KDM4C: variants seen among roughly 807,000 people sequenced by gnomAD.
The protein encoded by KDM4C is lysine-specific demethylase 4C.
In KDM4C, 81 loss-of-function variants were observed where a neutral mutation model predicts 129.3. That is an observed-to-expected ratio of 0.63 (90% CI 0.52 to 0.75). The LOEUF (loss-of-function observed/expected upper bound fraction) is 0.75. Among genes scored for constraint, KDM4C ranks in the 30% least tolerant of loss-of-function variants. The pLI, the probability that KDM4C is intolerant of heterozygous loss-of-function variation, is 0.00. For missense variants in KDM4C, 1,457 were observed against 1,304.0 expected, an observed-to-expected ratio of 1.12 and a Z score of -1.81; for synonymous variants, 573 against 456.1, an observed-to-expected ratio of 1.26 and a Z score of -3.26.
chr9:6,942,824 A>G (rs1826198494), intron 8 of KDM4C, among the ~76,000 whole-genome samples: 1 of 152,186 alleles, frequency 6.6e-6, no homozygotes, highest in East Asian at 1.9e-4. Context: ...GGGGGAGTAA[A>G]GGATAGTCTT....
At chr9:6,911,454 A>G (rs1321741781) in intron 8 of KDM4C, among the ~76,000 whole-genome samples, 1 of 152,230 alleles carries the variant, frequency 6.6e-6, no homozygotes, top group Non-Finnish European at 1.5e-5. Context: ...AAGCTAGTTA[A>G]TGATTTTGAT....
intron 17 of KDM4C, among the ~76,000 whole-genome samples, chr9:7,063,451 C>T (rs1831996271): frequency 6.6e-6 from 1 of 152,164 alleles, no homozygotes; most frequent in African/African-American, 2.4e-5. Context: ...TTTGGTCTGT[C>T]AGGATCAGAG....
chr9:7,105,110 C>A lies in KDM4C; in HGVS notation c.2610+1240C>A, dbSNP rs74337783. ...TTTGCTAAGAATAGTATTATGTATC[C>A]AGTAGAAAATACATTTTAGCAACTT... On this transcript the variant is annotated intron_variant, in intron 18 of 21. Transcript: ENST00000381309. Among the ~76,000 whole-genome samples, 35 of 152,262 alleles carry A rather than the reference C, an allele frequency of 2.3e-4. No homozygotes were observed. The East Asian group carries it at 6.8e-3, about 29-fold the overall frequency.
chr9:7,105,747 C>T (rs969290299), intron 18 of KDM4C, among the ~76,000 whole-genome samples: 5 of 152,124 alleles, frequency 3.3e-5, no homozygotes, highest in Admixed American at 3.3e-4. Context: ...TTACTGATGA[C>T]TATATTGAAG....
chr9:6,934,515 A>G (rs1010810881), intron 8 of KDM4C, among the ~76,000 whole-genome samples: 3 of 149,766 alleles, frequency 2.0e-5, no homozygotes, highest in Non-Finnish European at 4.5e-5. Context: ...TCTAAAATTA[A>G]ATACCAACTT....
At chr9:6,994,536 C>G (rs759683879) in intron 12 of KDM4C, among the ~76,000 whole-genome samples, 1 of 152,156 alleles carries the variant, frequency 6.6e-6, no homozygotes, top group South Asian at 2.1e-4. Context: ...CACTCTCATT[C>G]CTCTCTTTTG....
At chr9:7,144,113 T>G (rs34226860) in intron 19 of KDM4C, among the ~76,000 whole-genome samples, 1 of 151,640 alleles carries the variant, frequency 6.6e-6, no homozygotes, top group Non-Finnish European at 1.5e-5. Context: ...TTTTTTTTTG[T>G]TTTTGTTTTT....
intron 15 of KDM4C, among the ~76,000 whole-genome samples, chr9:7,028,410 C>G (rs760936724): frequency 6.6e-6 from 1 of 151,828 alleles, no homozygotes; most frequent in East Asian, 1.9e-4. Flanking sequence ...ATGGAGCCTT[C>G]ATGACTCTGC....
At chr9:7,167,863 T>C (rs972785806) in intron 20 of KDM4C, among the ~76,000 whole-genome samples, 17 of 152,186 alleles carry the variant, frequency 1.1e-4, no homozygotes, top group African/African-American at 4.1e-4. Flanking sequence ...TGCAGCGATA[T>C]ATCAGTTGGA....
At chr9:7,073,410 G>A (rs149924214) in intron 17 of KDM4C, among the ~76,000 whole-genome samples, 274 of 152,286 alleles carry the variant, frequency 1.8e-3, no homozygotes, top group African/African-American at 6.4e-3. Flanking sequence ...ATGTTATATA[G>A]ATAATAGTTG....
At chr9:6,899,465 A>G (rs1025841175) in intron 8 of KDM4C, among the ~76,000 whole-genome samples, 64 of 152,078 alleles carry the variant, frequency 4.2e-4, no homozygotes, top group African/African-American at 1.2e-3. Flanking sequence ...CAAATATACA[A>G]TGACAGGCAT....
intron 8 of KDM4C, among the ~76,000 whole-genome samples, chr9:6,922,228 C>G (rs188174933): frequency 1.3e-5 from 2 of 152,282 alleles, no homozygotes; most frequent in Admixed American, 1.3e-4. Context: ...TATCTAATTC[C>G]TATCTTAATT....
chr9:6,806,835 C>G (rs565963182), intron 3 of KDM4C, among the ~76,000 whole-genome samples: 17 of 152,218 alleles, frequency 1.1e-4, no homozygotes, highest in African/African-American at 4.1e-4. Flanking sequence ...TTTCCTTGCC[C>G]TGTTTCAGAA....
intron 15 of KDM4C, among the ~76,000 whole-genome samples, chr9:7,021,788 G>T (rs1477348770): frequency 2.0e-5 from 3 of 152,144 alleles, no homozygotes; most frequent in East Asian, 1.9e-4. Context: ...ATAGTTTCAG[G>T]TCTTAGATTT....
intron 19 of KDM4C, among the ~76,000 whole-genome samples, chr9:7,128,891 C>T (rs968714015): frequency 6.6e-6 from 1 of 152,240 alleles, no homozygotes; most frequent in East Asian, 1.9e-4. Context: ...AACTAGTGAA[C>T]GTGTGCCAGG....
chr9:7,147,487 T>A (rs576756029), intron 19 of KDM4C, among the ~76,000 whole-genome samples: 1 of 152,368 alleles, frequency 6.6e-6, no homozygotes, highest in Admixed American at 6.5e-5. Context: ...TTCTCCATTT[T>A]GCAACATAAA....
chr9:6,832,546 C>T (rs1460986633), intron 4 of KDM4C, among the ~76,000 whole-genome samples: 1 of 147,232 alleles, frequency 6.8e-6, no homozygotes, highest in Non-Finnish European at 1.5e-5. Flanking sequence ...CTGCCTCAGC[C>T]TCCCGAGTAG....
intron 8 of KDM4C, among the ~76,000 whole-genome samples, chr9:6,896,218 T>C (rs895892231): frequency 2.0e-5 from 3 of 152,186 alleles, no homozygotes; most frequent in African/African-American, 7.2e-5. Context: ...TTGTTCTAAA[T>C]GGTAACTATA....
intron 17 of KDM4C, among the ~76,000 whole-genome samples, chr9:7,077,720 C>G (rs1478485641): frequency 6.6e-6 from 1 of 152,198 alleles, no homozygotes; most frequent in African/African-American, 2.4e-5. Context: ...TCATCATTGC[C>G]TGGACTTCAC....
Sources: allele counts gnomAD v4.1 joint callset (sites outside exome capture counted in the v4.1 genomes callset), GRCh38; gene constraint gnomAD v4.1.1; transcripts MANE v1.5; gene names NCBI Gene and HGNC (gene_info 2026-07-23, HGNC 2026-07-21).